The following ABCC9 variants were observed in gnomAD, a reference collection of about 807,000 sequenced individuals.
The protein encoded by ABCC9 is ATP binding cassette subfamily C member 9, also known as ATP-binding cassette sub-family C member 9.
ABCC9 carries 95 observed loss-of-function variants against 188.3 expected under a neutral mutation model. That is an observed-to-expected ratio of 0.50 (90% confidence interval 0.43 to 0.60). The LOEUF (loss-of-function observed/expected upper bound fraction) is 0.60, where lower values mean the gene tolerates loss of function less well. Ranked by LOEUF, ABCC9 falls within the 20% of genes least tolerant of loss-of-function variation. The pLI, the probability that ABCC9 is intolerant of heterozygous loss-of-function variation, is 0.00. For missense variants in ABCC9, 1,102 were observed against 1,876.3 expected, an observed-to-expected ratio of 0.59 and a Z score of 7.62; for synonymous variants, 659 against 652.7, an observed-to-expected ratio of 1.01 and a Z score of -0.15.
At chr12:21,836,255 T>C (rs1228388379) in intron 30 of ABCC9, among the ~76,000 whole-genome samples, 2 of 152,138 alleles carry the variant, frequency 1.3e-5, no homozygotes, top group Admixed American at 6.5e-5. Flanking sequence ...CTGCTCAAAA[T>C]TCTTCAGTGA....
At chr12:21,919,966 A>G (rs1408714515) in intron 5 of ABCC9, among the ~76,000 whole-genome samples, 1 of 152,068 alleles carries the variant, frequency 6.6e-6, no homozygotes, top group Non-Finnish European at 1.5e-5. Context: ...AGATCAATGC[A>G]ATTTAGCATA....
In ABCC9 at chr12:21,817,268, C is replaced by A; in HGVS notation, c.3811G>T (p.Asp1271Tyr). 6.2e-7 allele frequency: 1 copy of A among 1,613,848 alleles called. No homozygotes were observed. The highest frequency in any genetic ancestry group is 1.1e-5 in the South Asian group (1 of 91,074). The change falls in exon 33 of 40, where the codon GAC (aspartate) becomes TAC (tyrosine). Residue 1271 changes from aspartate to tyrosine, a missense_variant. Physicochemically the swap from Asp to Tyr is radical, Grantham distance 160 (BLOSUM62 -3). Coordinates refer to ENST00000261200, the MANE Select transcript of ABCC9 (RefSeq NM_020297.4). ...ACTGCACCCATCTGGACCTCCAGGT[C>A]AGCCAAGTTCCTCACAACCCAATTC... ...YLNWVVRNLADLEVQMGAVKK... is the reference protein window; with the variant it reads ...YLNWVVRNLAYLEVQMGAVKK...
intron 39 of ABCC9, 147 bp downstream of exon 39, chr12:21,805,851 G>A (rs531303443): frequency 5.9e-5 from 46 of 784,996 alleles, no homozygotes; most frequent in Middle Eastern, 2.3e-4. Context: ...AAACATCTTC[G>A]TATTTTTTTT....
chr12:21,812,429 G>A (rs1029170277), intron 35 of ABCC9, among the ~76,000 whole-genome samples: 2 of 152,104 alleles, frequency 1.3e-5, no homozygotes, highest in Non-Finnish European at 2.9e-5. Context: ...GTTCACAATA[G>A]CAAAGACTTG....
intron 18 of ABCC9, among the ~76,000 whole-genome samples, chr12:21,871,397 A>G (rs1384346780): frequency 6.6e-6 from 1 of 152,194 alleles, no homozygotes; most frequent in Non-Finnish European, 1.5e-5. Context: ...CGACAGGGAT[A>G]AAATGTACAC....
chr12:21,816,491 C>T (rs898741869), intron 33 of ABCC9, among the ~76,000 whole-genome samples: 9 of 151,924 alleles, frequency 5.9e-5, no homozygotes, highest in Non-Finnish European at 1.0e-4. Context: ...GAAACAGTGC[C>T]TGAGATGAAT....
chr12:21,835,662 C>T (rs904320523), intron 30 of ABCC9, among the ~76,000 whole-genome samples: 2 of 152,100 alleles, frequency 1.3e-5, no homozygotes, highest in African/African-American at 2.4e-5. Flanking sequence ...TCTACTTTTT[C>T]GTTAAGTGCT....
intron 24 of ABCC9, 113 bp downstream of exon 24, chr12:21,851,984 C>CA: frequency 8.1e-7 from 1 of 1,239,086 alleles, no homozygotes; most frequent in Non-Finnish European, 1.1e-6. Context: ...AGATAAAGAC[C>CA]ATTATATTAC....
intron 24 of ABCC9, 44 bp from the exon 25 acceptor site, chr12:21,848,290 A>G: frequency 6.5e-7 from 1 of 1,529,646 alleles, no homozygotes. Context: ...TAACACCAAT[A>G]GGTTGTGACT....
In ABCC9 at chr12:21,798,399, T is replaced by G. The variant is rs1941259691; in HGVS notation, c.*2645A>C. 1 of 150,970 alleles carries G rather than the reference T, an allele frequency of 6.6e-6. No individual in the cohort carries two copies. Among genetic ancestry groups the G allele is most frequent in the Non-Finnish European group, 1.5e-5 (1 of 67,824 alleles). 9.4% of individuals were successfully genotyped at this position (150,970 alleles called of 1,614,324 possible). On this transcript the variant is annotated 3_prime_UTR_variant, in exon 40 of 40. Coordinates refer to ENST00000261200, the MANE Select transcript of ABCC9 (RefSeq NM_020297.4). ...ATCTCATAGTGGTTTTGATTTGCATTTCTCTGATGGCCAGTGATGATGAGC... is the reference window on the plus strand; with the variant it reads ...ATCTCATAGTGGTTTTGATTTGCATGTCTCTGATGGCCAGTGATGATGAGC...
chr12:21,918,598 A>G (rs1175614746), intron 5 of ABCC9, among the ~76,000 whole-genome samples: 1 of 152,174 alleles, frequency 6.6e-6, no homozygotes, highest in African/African-American at 2.4e-5. Flanking sequence ...TTAAAACTGC[A>G]CACATTTATT....
At chr12:21,879,464 CA>C (rs1946523391) in intron 16 of ABCC9, among the ~76,000 whole-genome samples, 2 of 152,032 alleles carry the variant, frequency 1.3e-5, no homozygotes, top group African/African-American at 2.4e-5. Context: ...AAATGGGGAG[CA>C]ATTGCTTAAT....
intron 4 of ABCC9, among the ~76,000 whole-genome samples, chr12:21,931,531 C>T (rs1001842706): frequency 6.6e-6 from 1 of 151,930 alleles, no homozygotes; most frequent in Non-Finnish European, 1.5e-5. Context: ...TTTTTAGGAC[C>T]TCTTTTATCA....
At chr12:21,894,595 C>A (rs1947313722) in intron 13 of ABCC9, among the ~76,000 whole-genome samples, 1 of 60,196 alleles carries the variant, frequency 1.7e-5, no homozygotes, top group Non-Finnish European at 3.4e-5. Context: ...GCATTAATAT[C>A]CAAAGAAGAC....
At chr12:21,870,599 A>G (rs1234256332) in intron 18 of ABCC9, among the ~76,000 whole-genome samples, 1 of 152,138 alleles carries the variant, frequency 6.6e-6, no homozygotes, top group Non-Finnish European at 1.5e-5. Flanking sequence ...ATCAATCTCT[A>G]CTGAGTAAAT....
At chr12:21,925,023 C>T (rs954958663) in intron 5 of ABCC9, 4 of 152,302 alleles carry the variant, frequency 2.6e-5, no homozygotes, top group African/African-American at 9.7e-5. Flanking sequence ...TGTGTGTTTT[C>T]AATATTTCTT....
intron 24 of ABCC9, 75 bp from the exon 25 acceptor site, chr12:21,848,321 G>T: frequency 7.8e-7 from 1 of 1,280,258 alleles, no homozygotes; most frequent in Non-Finnish European, 1.1e-6. Flanking sequence ...TGACTCACAC[G>T]TGTAAATGGT....
intron 22 of ABCC9, among the ~76,000 whole-genome samples, chr12:21,857,314 A>G (rs997846421): frequency 1.3e-5 from 2 of 152,208 alleles, no homozygotes; most frequent in African/African-American, 2.4e-5. Flanking sequence ...TGCTTGGCCT[A>G]GAGAAATGTA....
At chr12:21,826,104 A>G (rs1943364355) in intron 31 of ABCC9, among the ~76,000 whole-genome samples, 1 of 152,142 alleles carries the variant, frequency 6.6e-6, no homozygotes, top group Non-Finnish European at 1.5e-5. Context: ...CCTTCTTTAT[A>G]TCATTTTGGT....
Sources: gnomAD v4.1 joint callset for allele counts (sites outside exome capture counted in the v4.1 genomes callset) on GRCh38, gnomAD v4.1.1 for gene constraint, MANE v1.5 for transcripts, NCBI Gene and HGNC (gene_info 2026-07-23, HGNC 2026-07-21) for gene names.